The following CRACD variants were observed in gnomAD, a reference collection of about 807,000 sequenced individuals.
The protein encoded by CRACD is capping protein inhibiting regulator of actin dynamics, also known as capping protein-inhibiting regulator of actin dynamics.
CRACD carries 56 observed loss-of-function variants against 106.8 expected under a neutral mutation model. The observed-to-expected ratio is 0.52, with a 90% CI of 0.42 to 0.66. CRACD has a LOEUF of 0.66. Ranked by LOEUF, CRACD falls within the 30% of genes least tolerant of loss-of-function variation. The pLI, the probability that CRACD is intolerant of heterozygous loss-of-function variation, is 0.00. For synonymous variants in CRACD, 754 were observed against 670.8 expected, an observed-to-expected ratio of 1.12 and a Z score of -1.92; for missense variants, 1,730 against 1,623.2, an observed-to-expected ratio of 1.07 and a Z score of -1.13.
chr4:56,205,211 C>G (rs903499783), intron 2 of CRACD, among the ~76,000 whole-genome samples: 1 of 151,846 alleles, frequency 6.6e-6, no homozygotes, highest in South Asian at 2.1e-4. Flanking sequence ...TTTCCCATGC[C>G]CCCCCCGCCA....
chr4:56,273,528 T>C (rs1171583633), intron 3 of CRACD, among the ~76,000 whole-genome samples: 1 of 152,128 alleles, frequency 6.6e-6, no homozygotes, highest in Non-Finnish European at 1.5e-5. Context: ...AGTACTTTCT[T>C]ACCTGAGTGC....
At chr4:56,254,683 G>A (rs1169074097) in intron 2 of CRACD, among the ~76,000 whole-genome samples, 2 of 151,980 alleles carry the variant, frequency 1.3e-5, no homozygotes, top group African/African-American at 4.8e-5. Context: ...TACTCACATA[G>A]TAAAACTAGT....
intron 1 of CRACD, among the ~76,000 whole-genome samples, chr4:56,096,263 G>A (rs1733597113): frequency 6.6e-6 from 1 of 152,158 alleles, no homozygotes; most frequent in Non-Finnish European, 1.5e-5. Flanking sequence ...TACCCAGAGA[G>A]CAAGAATCAA....
intron 3 of CRACD, among the ~76,000 whole-genome samples, chr4:56,296,948 C>T (rs1321767193): frequency 7.5e-5 from 11 of 147,016 alleles, no homozygotes; most frequent in African/African-American, 2.3e-4. Context: ...GACTGAGTCT[C>T]GCTCTGTCTC....
intron 1 of CRACD, among the ~76,000 whole-genome samples, chr4:56,135,634 C>G (rs150725840): frequency 1.8e-3 from 269 of 152,256 alleles, no homozygotes; most frequent in Non-Finnish European, 3.4e-3. Flanking sequence ...CAAAGACAGA[C>G]GTCTCATCTT....
chr4:56,060,235 C>T (rs1381181044), intron 1 of CRACD, among the ~76,000 whole-genome samples: 1 of 151,740 alleles, frequency 6.6e-6, no homozygotes, highest in Non-Finnish European at 1.5e-5. Context: ...CTCCCTACTC[C>T]AGCTGTTCAT....
At chr4:56,312,124 C>T (rs1745196732) in intron 6 of CRACD, among the ~76,000 whole-genome samples, 1 of 152,140 alleles carries the variant, frequency 6.6e-6, no homozygotes, top group African/African-American at 2.4e-5. Context: ...CTTCTCAGTG[C>T]AGTCAGTACC....
intron 2 of CRACD, among the ~76,000 whole-genome samples, chr4:56,183,853 C>T (rs1736965841): frequency 6.6e-6 from 1 of 152,188 alleles, no homozygotes; most frequent in Non-Finnish European, 1.5e-5. Flanking sequence ...TGCTTTTCCT[C>T]AGTTTGCATT....
chr4:56,300,212 G>A (rs560659293), intron 4 of CRACD, among the ~76,000 whole-genome samples: 2 of 152,168 alleles, frequency 1.3e-5, no homozygotes, highest in African/African-American at 4.8e-5. Context: ...GATATTTTGT[G>A]GAAATTGTGT....
chr4:56,182,926 T>A (rs1003244525), intron 2 of CRACD, among the ~76,000 whole-genome samples: 8 of 150,830 alleles, frequency 5.3e-5, no homozygotes, highest in Admixed American at 6.6e-5. Context: ...TCCGTTGGTT[T>A]CTTGCAATAG....
At chr4:56,303,865 C>T (rs1326370245) in intron 4 of CRACD, among the ~76,000 whole-genome samples, 1 of 152,180 alleles carries the variant, frequency 6.6e-6, no homozygotes, top group Non-Finnish European at 1.5e-5. Context: ...AAACTGTAGC[C>T]CTCCTCTTCG....
intron 1 of CRACD, among the ~76,000 whole-genome samples, chr4:56,171,064 G>T (rs1260650815): frequency 6.6e-6 from 1 of 152,038 alleles, no homozygotes; most frequent in Non-Finnish European, 1.5e-5. Flanking sequence ...TTCAAAGAAA[G>T]AAACAAATAA....
chr4:56,198,964 C>CT (rs570691729), intron 2 of CRACD, among the ~76,000 whole-genome samples: 51 of 151,978 alleles, frequency 3.4e-4, no homozygotes, highest in East Asian at 2.7e-3. Context: ...TACTTCCTGA[C>CT]TTTTTTTTAC....
intron 1 of CRACD, among the ~76,000 whole-genome samples, chr4:56,109,439 G>A (rs934576275): frequency 3.9e-5 from 6 of 152,174 alleles, no homozygotes; most frequent in Non-Finnish European, 8.8e-5. Flanking sequence ...GGTTGGAGGA[G>A]ACTGAGGGGC....
chr4:56,323,404 C>G lies in CRACD; in HGVS notation c.3215C>G (p.Ser1072Cys). Residue 1072 changes from serine to cysteine, a missense_variant, in exon 9 of 11, where the codon TCC (serine) becomes TGC (cysteine). Physicochemically the swap from Ser to Cys is moderately radical, Grantham distance 112 (BLOSUM62 -1). This residue lies in a region of CRACD where 1,620 missense variants were observed against 1,481.6 expected (regional missense o/e 1.09). Coordinates refer to ENST00000682029, the MANE Select transcript of CRACD (RefSeq NM_001393381.1). ...KEKPMLQSRH[S>C]LDGSKLTEKV... is the part of the protein sequence containing the mutation. ...AAGCCGATGCTTCAGAGCAGACACT[C>G]CTTAGATGGCTCCAAACTTACAGAG... 1 of 1,610,864 alleles carries G rather than the reference C, an allele frequency of 6.2e-7. No homozygotes were observed. Among genetic ancestry groups the G allele is most frequent in the Non-Finnish European group, 8.5e-7 (1 of 1,179,286 alleles).
chr4:56,190,742 A>G (rs895332567), intron 2 of CRACD, among the ~76,000 whole-genome samples: 4 of 152,042 alleles, frequency 2.6e-5, no homozygotes, highest in African/African-American at 9.7e-5. Flanking sequence ...CTGCGGATCT[A>G]CTATTCTGGG....
intron 1 of CRACD, among the ~76,000 whole-genome samples, chr4:56,160,143 A>G (rs1735900431): frequency 6.6e-6 from 1 of 151,652 alleles, no homozygotes; most frequent in African/African-American, 2.4e-5. Context: ...AATGTAAGCA[A>G]TTATACCAGA....
intron 2 of CRACD, among the ~76,000 whole-genome samples, chr4:56,229,362 G>T (rs779272134): frequency 1.3e-5 from 2 of 152,028 alleles, no homozygotes; most frequent in Non-Finnish European, 2.9e-5. Flanking sequence ...TCCCTTCTTT[G>T]CCCTTCTGCC....
At chr4:56,311,314 A>G (rs1745143660) in intron 6 of CRACD, 2 of 153,242 alleles carry the variant, frequency 1.3e-5, no homozygotes, top group South Asian at 4.1e-4. Flanking sequence ...CATTCTCCCA[A>G]GGCCTGGCAG....
Sources: gnomAD v4.1 joint callset for allele counts (sites outside exome capture counted in the v4.1 genomes callset) on GRCh38, gnomAD v4.1.1 for gene constraint, gnomAD v4.1.1 regional missense constraint, MANE v1.5 for transcripts, NCBI Gene and HGNC (gene_info 2026-07-23, HGNC 2026-07-21) for gene names.